ADGRB3: variants seen among roughly 807,000 people sequenced by gnomAD.
ADGRB3 encodes the protein adhesion G protein-coupled receptor B3, also known as brain-specific angiogenesis inhibitor 3.
A neutral mutation model predicts 193.4 loss-of-function variants in ADGRB3; 37 were observed. That is an observed-to-expected ratio of 0.19 (90% confidence interval 0.15 to 0.25). ADGRB3 has a LOEUF of 0.25. Among genes scored for constraint, ADGRB3 ranks in the 10% least tolerant of loss-of-function variants. The pLI, the probability that ADGRB3 is intolerant of heterozygous loss-of-function variation, is 1.00. For missense variants in ADGRB3, 1,637 were observed against 1,852.9 expected, an observed-to-expected ratio of 0.88 and a Z score of 2.14; for synonymous variants, 690 against 644.2, an observed-to-expected ratio of 1.07 and a Z score of -1.08.
chr6:69,303,700 A>G (rs1767999417), intron 20 of ADGRB3, among the ~76,000 whole-genome samples: 1 of 151,874 alleles, frequency 6.6e-6, no homozygotes, highest in African/African-American at 2.4e-5. Flanking sequence ...TTTTTACTCT[A>G]TGTCTTCTCT....
At chr6:69,326,204 C>T (rs750604655) in intron 21 of ADGRB3, among the ~76,000 whole-genome samples, 6 of 152,254 alleles carry the variant, frequency 3.9e-5, no homozygotes, top group South Asian at 4.2e-4. Context: ...GATCACACCA[C>T]GACACTCCAA....
At position 68,962,187 on chromosome 6, in the gene ADGRB3, A is replaced by C. The variant is rs941349707; in HGVS notation, c.1525+5378A>C. 8.5e-5 allele frequency among the ~76,000 whole-genome samples: 13 copies of C among 152,200 alleles called. 1 individual carries two copies. The highest frequency in any genetic ancestry group is 2.9e-4 in the African/African-American group (12 of 41,468). ...CAGGAAAATGAATTAGAACTTGAAG[A>C]TATCCCATAGATGAGAGAGACCACC... On this transcript the variant is annotated intron_variant, in intron 8 of 31. Coordinates refer to ENST00000370598, the MANE Select transcript of ADGRB3 (RefSeq NM_001704.3).
chr6:68,712,322 C>G (rs1207843990), intron 3 of ADGRB3, among the ~76,000 whole-genome samples: 1 of 151,884 alleles, frequency 6.6e-6, no homozygotes, highest in Non-Finnish European at 1.5e-5. Context: ...TGGTCTTGAT[C>G]GACACCACAG....
chr6:69,266,628 C>T (rs1223374376), intron 20 of ADGRB3, among the ~76,000 whole-genome samples: 5 of 152,002 alleles, frequency 3.3e-5, no homozygotes, highest in African/African-American at 9.7e-5. Flanking sequence ...TTAAAAGCCA[C>T]TTCACATATC....
At chr6:68,647,790 A>G (rs1225788401) in intron 3 of ADGRB3, among the ~76,000 whole-genome samples, 3 of 152,122 alleles carry the variant, frequency 2.0e-5, no homozygotes, top group Admixed American at 6.5e-5. Context: ...ATGTTTTGAG[A>G]TCTATTTTGA....
At chr6:68,771,495 G>A (rs945043671) in intron 3 of ADGRB3, among the ~76,000 whole-genome samples, 1 of 151,822 alleles carries the variant, frequency 6.6e-6, no homozygotes, top group Admixed American at 6.6e-5. Context: ...CATGTTAGCT[G>A]ATCCCCTTTT....
intron 29 of ADGRB3, among the ~76,000 whole-genome samples, chr6:69,363,682 A>G (rs1769502148): frequency 1.3e-5 from 2 of 152,048 alleles, no homozygotes; most frequent in East Asian, 3.9e-4. Context: ...ATTTGGTCTT[A>G]TGATTAATAA....
At chr6:69,086,497 C>A (rs964331266) in intron 17 of ADGRB3, among the ~76,000 whole-genome samples, 9 of 152,056 alleles carry the variant, frequency 5.9e-5, no homozygotes, top group Non-Finnish European at 1.3e-4. Flanking sequence ...CTATTTCCTG[C>A]CACTAATACT....
intron 3 of ADGRB3, among the ~76,000 whole-genome samples, chr6:68,863,096 A>ACCAATATTTCAGTC (rs1765201345): frequency 6.6e-6 from 1 of 152,138 alleles, no homozygotes; most frequent in African/African-American, 2.4e-5. Context: ...GTGCATACTT[A>ACCAATATTTCAGTC]CCAATATTTC....
At chr6:68,950,709 T>C (rs1767893637) in intron 6 of ADGRB3, among the ~76,000 whole-genome samples, 1 of 152,098 alleles carries the variant, frequency 6.6e-6, no homozygotes, top group Non-Finnish European at 1.5e-5. Flanking sequence ...ACCTGCCAGC[T>C]CTACATCCAG....
At chr6:69,130,095 A>G (rs964033886) in intron 17 of ADGRB3, among the ~76,000 whole-genome samples, 1 of 152,078 alleles carries the variant, frequency 6.6e-6, no homozygotes, top group Non-Finnish European at 1.5e-5. Flanking sequence ...GAAGTCCAAG[A>G]TCAAAGAGCC....
chr6:68,871,538 CT>C (rs1416160532), intron 3 of ADGRB3, among the ~76,000 whole-genome samples: 1 of 151,834 alleles, frequency 6.6e-6, no homozygotes, highest in African/African-American at 2.4e-5. Flanking sequence ...GCATGTTTTT[CT>C]TGTTGATAAG....
intron 16 of ADGRB3, among the ~76,000 whole-genome samples, chr6:69,074,492 G>A (rs1772168902): frequency 6.6e-6 from 1 of 151,590 alleles, no homozygotes. Flanking sequence ...ATGAGGTACG[G>A]TGTCCACCTG....
intron 3 of ADGRB3, among the ~76,000 whole-genome samples, chr6:68,717,294 T>G (rs1765504667): frequency 6.6e-6 from 1 of 151,716 alleles, no homozygotes; most frequent in South Asian, 2.1e-4. Context: ...TTTATAATAA[T>G]TCCAAATTTA....
chr6:69,298,968 A>G (rs1767895069), intron 20 of ADGRB3, among the ~76,000 whole-genome samples: 1 of 151,962 alleles, frequency 6.6e-6, no homozygotes, highest in Admixed American at 6.6e-5. Context: ...ACTGTTCTCC[A>G]CAGTGGCTGC....
intron 3 of ADGRB3, among the ~76,000 whole-genome samples, chr6:68,785,897 C>T (rs529184498): frequency 6.6e-6 from 1 of 152,292 alleles, no homozygotes; most frequent in African/African-American, 2.4e-5. Context: ...TTGCATTTCT[C>T]TGATGGCCAG....
At chr6:68,706,540 C>T (rs546975163) in intron 3 of ADGRB3, among the ~76,000 whole-genome samples, 18 of 152,294 alleles carry the variant, frequency 1.2e-4, no homozygotes, top group African/African-American at 4.3e-4. Flanking sequence ...CTCTGAGCCA[C>T]GCTGCCTGTG....
At chr6:69,050,056 G>C (rs1562137729) in intron 15 of ADGRB3, among the ~76,000 whole-genome samples, 1 of 152,180 alleles carries the variant, frequency 6.6e-6, no homozygotes, top group East Asian at 1.9e-4. Flanking sequence ...TTGGAAGATA[G>C]AGATAAAGTT....
At chr6:68,838,138 A>G (rs1037523879) in intron 3 of ADGRB3, among the ~76,000 whole-genome samples, 4 of 152,220 alleles carry the variant, frequency 2.6e-5, no homozygotes, top group Non-Finnish European at 5.9e-5. Context: ...CCAGGATGAC[A>G]GAATCTAGCT....
Sources: gnomAD v4.1 joint callset for allele counts (sites outside exome capture counted in the v4.1 genomes callset) on GRCh38, gnomAD v4.1.1 for gene constraint, MANE v1.5 for transcripts, NCBI Gene and HGNC (gene_info 2026-07-23, HGNC 2026-07-21) for gene names.